UBE2E2: variants seen among roughly 807,000 people sequenced by gnomAD.
UBE2E2 encodes the protein ubiquitin-conjugating enzyme E2 E2.
A neutral mutation model predicts 24.7 loss-of-function variants in UBE2E2; 6 were observed. The observed-to-expected ratio is 0.24, with a 90% CI of 0.13 to 0.48. The LOEUF (loss-of-function observed/expected upper bound fraction) is 0.48. Among genes scored for constraint, UBE2E2 ranks in the 20% least tolerant of loss-of-function variants. The pLI is 0.99. For synonymous variants in UBE2E2, 104 were observed against 83.6 expected (o/e 1.24, Z -1.33); for missense variants, 169 against 245.0 (o/e 0.69, Z 2.07).
At chr3:23,260,334 T>TCTGC (rs1697861764) in intron 3 of UBE2E2, among the ~76,000 whole-genome samples, 1 of 152,222 alleles carries the variant, frequency 6.6e-6, no homozygotes, top group South Asian at 2.1e-4. Flanking sequence ...TTATTTTCAG[T>TCTGC]CTGCCAAGAA....
intron 3 of UBE2E2, among the ~76,000 whole-genome samples, chr3:23,286,757 CAG>C (rs1387946118): frequency 6.6e-6 from 1 of 151,880 alleles, no homozygotes; most frequent in Non-Finnish European, 1.5e-5. Context: ...GACGTTTTAA[CAG>C]TATTGATTCT....
At chr3:23,268,728 A>G (rs1392051404) in intron 3 of UBE2E2, among the ~76,000 whole-genome samples, 1 of 149,738 alleles carries the variant, frequency 6.7e-6, no homozygotes, top group East Asian at 2.0e-4. Flanking sequence ...GAACCAAAAA[A>G]GAGCCCGCAT....
chr3:23,362,213 G>C (rs962970265), intron 3 of UBE2E2, among the ~76,000 whole-genome samples: 2 of 152,180 alleles, frequency 1.3e-5, no homozygotes, highest in African/African-American at 4.8e-5. Context: ...AGAGCAGAGA[G>C]GAACAAAGAA....
At chr3:23,506,622 C>T (rs1399667665) in intron 4 of UBE2E2, among the ~76,000 whole-genome samples, 1 of 152,082 alleles carries the variant, frequency 6.6e-6, no homozygotes, top group Non-Finnish European at 1.5e-5. Flanking sequence ...CTGGTTCCAC[C>T]CTTGTCCCTT....
rs1054275613 is a variant in UBE2E2, at chr3:23,474,257, G to T, written c.228-25351G>T. Among the ~76,000 whole-genome samples the T allele has an allele frequency of 1.3e-5, 2 of 151,870 alleles. No homozygotes were observed. Among genetic ancestry groups the T allele is most frequent in the African/African-American group, 4.8e-5 (2 of 41,246 alleles). ...GATTGTTGTTTTTCTCCTGTTAATT[G>T]TTTAAGTACCTTGTAGATTCTGGAT... On this transcript the variant is annotated intron_variant, in intron 3 of 5. Coordinates refer to ENST00000396703, the MANE Select transcript of UBE2E2 (RefSeq NM_152653.4). The surrounding 1 kb of genome is among the most constrained non-coding windows in gnomAD (Gnocchi z 4.0).
intron 5 of UBE2E2, among the ~76,000 whole-genome samples, chr3:23,571,320 C>T (rs60898438): frequency 0.32 from 11,535 of 36,356 alleles, 1,062 homozygotes; most frequent in Admixed American, 0.49. Context: ...GACAGAGTCT[C>T]GCTCTGTCAG....
chr3:23,461,101 C>T (rs1416525564), intron 3 of UBE2E2, among the ~76,000 whole-genome samples: 1 of 152,074 alleles, frequency 6.6e-6, no homozygotes, highest in Non-Finnish European at 1.5e-5. Context: ...CTCTGTTAGA[C>T]TTTAAGTAGA....
chr3:23,218,731 A>G (rs775844383), intron 3 of UBE2E2, among the ~76,000 whole-genome samples: 4 of 152,136 alleles, frequency 2.6e-5, no homozygotes, highest in Admixed American at 6.6e-5. Context: ...CTCATTTTTA[A>G]TAAATGAAAT....
chr3:23,522,165 C>G (rs1052689806), intron 4 of UBE2E2, among the ~76,000 whole-genome samples: 4 of 138,144 alleles, frequency 2.9e-5, no homozygotes, highest in African/African-American at 1.1e-4. Context: ...GAGTCTCGCT[C>G]TGTTGCCCAG....
chr3:23,269,416 T>C (rs1698171082), intron 3 of UBE2E2, among the ~76,000 whole-genome samples: 1 of 152,174 alleles, frequency 6.6e-6, no homozygotes, highest in Admixed American at 6.5e-5. Context: ...CCAAAGGCTT[T>C]TGGGGCTCTA....
At chr3:23,303,262 T>C (rs1260415697) in intron 3 of UBE2E2, among the ~76,000 whole-genome samples, 1 of 152,088 alleles carries the variant, frequency 6.6e-6, no homozygotes, top group Non-Finnish European at 1.5e-5. Flanking sequence ...GATTCTACAT[T>C]ATAGTGAGTT....
chr3:23,476,630 G>T (rs2125438570), intron 3 of UBE2E2, among the ~76,000 whole-genome samples: 1 of 152,268 alleles, frequency 6.6e-6, no homozygotes, highest in Non-Finnish European at 1.5e-5. Flanking sequence ...CAAGGCTGCA[G>T]TGAGCTGTGA....
chr3:23,252,697 A>G (rs4858066), intron 3 of UBE2E2, among the ~76,000 whole-genome samples: 41,159 of 152,052 alleles, frequency 0.27, 6,015 homozygotes, highest in Non-Finnish European at 0.33. Context: ...AGGTTTCACC[A>G]TGTTGCTCAG....
At chr3:23,566,107 C>T (rs1016209398) in intron 5 of UBE2E2, among the ~76,000 whole-genome samples, 1 of 152,200 alleles carries the variant, frequency 6.6e-6, no homozygotes, top group Non-Finnish European at 1.5e-5. Flanking sequence ...AGTCTTAGCC[C>T]TCTGTCAAAT....
At chr3:23,260,838 G>A (rs1008207279) in intron 3 of UBE2E2, among the ~76,000 whole-genome samples, 7 of 152,196 alleles carry the variant, frequency 4.6e-5, no homozygotes, top group African/African-American at 1.7e-4. Flanking sequence ...CGTGATGGTG[G>A]CTCATGCCTG....
intron 3 of UBE2E2, chr3:23,449,914 C>A (rs1171971051): frequency 1.0e-6 from 1 of 985,280 alleles, no homozygotes; most frequent in Non-Finnish European, 1.2e-6. Flanking sequence ...CACATGGGGA[C>A]CCCTCCCCCT....
intron 3 of UBE2E2, among the ~76,000 whole-genome samples, chr3:23,375,427 A>G (rs1471666884): frequency 6.6e-6 from 1 of 152,190 alleles, no homozygotes; most frequent in African/African-American, 2.4e-5. Context: ...CAGGCACTAT[A>G]GTGAATAAAG....
rs547725459 is a variant in UBE2E2, at chr3:23,521,205, G to A, written c.361-11349G>A. Among the ~76,000 whole-genome samples the A allele has an allele frequency of 2.0e-4, 30 of 152,152 alleles. 1 individual carries two copies. Among genetic ancestry groups the A allele is most frequent in the African/African-American group, 3.1e-4 (13 of 41,490 alleles). Reference sequence around the variant, plus strand: ...TTTATCAAATCTGTAAATATGCTGCGTCTTACAGAATTGCCTTGGGGAGTG... The same window carrying A: ...TTTATCAAATCTGTAAATATGCTGCATCTTACAGAATTGCCTTGGGGAGTG... On this transcript the variant is annotated intron_variant, in intron 4 of 5. Transcript: ENST00000396703.
intron 3 of UBE2E2, among the ~76,000 whole-genome samples, chr3:23,476,257 T>C (rs559612886): frequency 1.2e-4 from 18 of 152,170 alleles, no homozygotes; most frequent in Non-Finnish European, 2.5e-4. Flanking sequence ...AGAAATAGAA[T>C]TGGTGTTTTG....
Sources: allele counts gnomAD v4.1 joint callset (sites outside exome capture counted in the v4.1 genomes callset), GRCh38; gene constraint gnomAD v4.1.1; non-coding constraint Gnocchi (gnomAD v3.1); transcripts MANE v1.5; gene names NCBI Gene and HGNC (gene_info 2026-07-23, HGNC 2026-07-21).